Variants in POPDC3 observed in about 807,000 individuals in gnomAD.
POPDC3 encodes the protein popeye domain cAMP effector 3.
Under a neutral mutation model 28.2 loss-of-function variants are expected in POPDC3, and 20 were observed. That is an observed-to-expected ratio of 0.71 (90% confidence interval 0.50 to 1.03). POPDC3 has a LOEUF of 1.03. POPDC3 is among the 50% of genes least tolerant of loss of function. POPDC3 has a pLI of 0.00. For synonymous variants in POPDC3, 118 were observed against 124.1 expected (o/e 0.95, Z 0.33); for missense variants, 316 against 345.9 (o/e 0.91, Z 0.69).
Position 105,158,059 on chromosome 6 carries a change from C to T in POPDC3, c.*411G>A, listed in dbSNP as rs893769211. ...GAGGTTGTAGCAAAAAAGTGAATTCCGGAAATGCCTATGTGGACAGTAGCA... is the reference window on the plus strand; with the variant it reads ...GAGGTTGTAGCAAAAAAGTGAATTCTGGAAATGCCTATGTGGACAGTAGCA... On this transcript the variant is annotated 3_prime_UTR_variant, in exon 4 of 4. Transcript: ENST00000254765. 6.6e-6 allele frequency among the ~76,000 whole-genome samples: 1 copy of T among 152,030 alleles called. No individual in the cohort carries two copies. The highest frequency in any genetic ancestry group is 1.5e-5 in the Non-Finnish European group (1 of 68,020).
At chr6:105,179,586 T>C (rs1256142185) in intron 1 of POPDC3, among the ~76,000 whole-genome samples, 2 of 152,054 alleles carry the variant, frequency 1.3e-5, no homozygotes, top group Admixed American at 6.5e-5. Flanking sequence ...AAGGATCCCC[T>C]AGACCTCCGA....
chr6:105,178,531 T>A (rs917908354), intron 1 of POPDC3, among the ~76,000 whole-genome samples: 5 of 151,216 alleles, frequency 3.3e-5, no homozygotes, highest in Admixed American at 1.3e-4. Context: ...TATCTTAGAT[T>A]TCAATTAATA....
intron 1 of POPDC3, among the ~76,000 whole-genome samples, chr6:105,177,614 T>C (rs1774705831): frequency 6.6e-6 from 1 of 152,218 alleles, no homozygotes; most frequent in Non-Finnish European, 1.5e-5. Context: ...AACAGATCCA[T>C]TTAGGAGTCA....
intron 1 of POPDC3, chr6:105,166,741 A>C (rs1053790707): frequency 4.4e-6 from 2 of 451,606 alleles, no homozygotes; most frequent in African/African-American, 2.0e-5. Flanking sequence ...ATCTGTCTAC[A>C]TAGCCTCCAT....
At chr6:105,159,559 G>T in intron 3 of POPDC3, 152 bp downstream of exon 3, 1 of 526,028 alleles carries the variant, frequency 1.9e-6, no homozygotes. Context: ...CAAGAGTCCA[G>T]CAGAATTGGG....
At chr6:105,170,425 T>G (rs1015238023) in intron 1 of POPDC3, among the ~76,000 whole-genome samples, 1 of 152,208 alleles carries the variant, frequency 6.6e-6, no homozygotes, top group Non-Finnish European at 1.5e-5. Flanking sequence ...GATCAAGTTT[T>G]CAAGTTACTT....
chr6:105,164,578 A>G (rs1774419628), intron 1 of POPDC3, among the ~76,000 whole-genome samples: 1 of 152,260 alleles, frequency 6.6e-6, no homozygotes, highest in South Asian at 2.1e-4. Flanking sequence ...AAGAACTGAC[A>G]GGGGCAGGTG....
At chr6:105,169,213 G>T (rs941564768) in intron 1 of POPDC3, 1 of 152,152 alleles carries the variant, frequency 6.6e-6, no homozygotes, top group African/African-American at 2.4e-5. Context: ...AATAGAATTA[G>T]AATATAGATC....
At chr6:105,161,308 C>G in intron 2 of POPDC3, 117 bp downstream of exon 2, 1 of 1,109,912 alleles carries the variant, frequency 9.0e-7, no homozygotes, top group South Asian at 1.5e-5. Flanking sequence ...CTTCCTCAAG[C>G]CTCAGGGTGC....
intron 2 of POPDC3, among the ~76,000 whole-genome samples, chr6:105,161,005 A>G (rs918830179): frequency 1.3e-5 from 2 of 152,214 alleles, no homozygotes; most frequent in Admixed American, 6.5e-5. Flanking sequence ...TTTACTGAAG[A>G]AAAAAAGATA....
At position 105,171,671 on chromosome 6, in the gene POPDC3, AAATAAT is replaced by A. The variant is rs752168743; in HGVS notation, c.-252+8156_-252+8161del. On this transcript the variant is annotated intron_variant, in intron 1 of 3. Coordinates refer to ENST00000254765, the MANE Select transcript of POPDC3 (RefSeq NM_022361.5). Reference sequence around the variant, plus strand: ...GAGCGACAGAGAAAGACTCTGTCTCAAATAATAATAATAATAATTATTATTATTAAT... The same window carrying A: ...GAGCGACAGAGAAAGACTCTGTCTCAAATAATAATAATTATTATTATTAAT... Among the ~76,000 whole-genome samples the A allele has an allele frequency of 1.1e-3, 168 of 150,724 alleles. 1 individual carries two copies. The highest frequency in any genetic ancestry group is 3.9e-3 in the African/African-American group (160 of 40,978).
In POPDC3 at chr6:105,159,711, C is replaced by A. The variant is rs1199410191; in HGVS notation, c.594G>T (p.Gln198His). ...SLRPTEEGIF[Q>H]VTLTAETDCR... ...AACTGTGTGTTCTGGTATCCCTTAC[C>A]TGAAAAATGCCTTCCTCTGTGGGTC... The change falls in exon 3 of 4, where the codon CAG becomes CAT. Residue 198 changes from glutamine to histidine, a missense_variant and splice_region_variant. By Grantham distance (24) the Gln-to-His change is conservative. Transcript: ENST00000254765. The A allele has an allele frequency of 6.3e-7, 1 of 1,584,494 alleles. No homozygotes were observed. The highest frequency in any genetic ancestry group is 8.7e-7 in the Non-Finnish European group (1 of 1,153,500).
intron 1 of POPDC3, among the ~76,000 whole-genome samples, chr6:105,176,357 A>G (rs1190269): frequency 0.9 from 137,459 of 152,162 alleles, 62,503 homozygotes; most frequent in Non-Finnish European, 0.96. Flanking sequence ...TTTGGGCATA[A>G]TGTGATGAGC....
In POPDC3 at chr6:105,179,983, G is replaced by C. The variant is rs1373402155; in HGVS notation, c.-402C>G. The C allele has an allele frequency of 1.4e-5, 2 of 147,598 alleles. No homozygotes were observed. Among genetic ancestry groups the C allele is most frequent in the African/African-American group, 4.9e-5 (2 of 40,910 alleles). The allele number at this position is 147,598 out of a possible 1,614,324, so 9.1% of individuals were successfully genotyped here. On this transcript the variant is annotated 5_prime_UTR_variant, in exon 1 of 4. Coordinates refer to ENST00000254765, the MANE Select transcript of POPDC3 (RefSeq NM_022361.5). ...CACCCTGCGGCGCCGGGCGCAGCGT[G>C]ACCGCAGCGGGCTCCGGAGCGGCGC...
At chr6:105,162,760 T>G (rs1416928160) in intron 1 of POPDC3, among the ~76,000 whole-genome samples, 1 of 152,210 alleles carries the variant, frequency 6.6e-6, no homozygotes, top group African/African-American at 2.4e-5. Context: ...TGCAGATTCA[T>G]GGACTGCTTC....
At position 105,158,591 on chromosome 6, in the gene POPDC3, A is replaced by G. The variant is rs1217366457; in HGVS notation, c.755T>C (p.Ile252Thr). The change falls in exon 4 of 4, where the codon ATA becomes ACA. Residue 252 changes from isoleucine (I) to threonine (T), a missense_variant. Physicochemically the swap from Ile to Thr is moderately conservative, Grantham distance 89. Coordinates refer to ENST00000254765, the MANE Select transcript of POPDC3 (RefSeq NM_022361.5). ...AATATCATAGTGATATCTTTTTCCT[A>G]TATATACCCTGTCATTCAAGGCATA... ...KLYALNDRVY[I>T]GKRYHYDIRL... 1 of 1,614,112 alleles carries G rather than the reference A, an allele frequency of 6.2e-7. No homozygotes were observed. The highest frequency in any genetic ancestry group is 2.2e-5 in the East Asian group (1 of 44,872).
At chr6:105,179,426 T>C (rs1368265956) in intron 1 of POPDC3, among the ~76,000 whole-genome samples, 1 of 152,082 alleles carries the variant, frequency 6.6e-6, no homozygotes, top group Non-Finnish European at 1.5e-5. Flanking sequence ...CTTTTCTCCC[T>C]TGCAAAACTG....
intron 1 of POPDC3, chr6:105,179,042 G>T: frequency 1.0e-6 from 1 of 985,400 alleles, no homozygotes. Context: ...TTTACAAACA[G>T]AATTTTTCAC....
chr6:105,171,671 A>AAAG (rs1774580098), intron 1 of POPDC3, among the ~76,000 whole-genome samples: 1 of 150,672 alleles, frequency 6.6e-6, no homozygotes, highest in Non-Finnish European at 1.5e-5. Context: ...ACTCTGTCTC[A>AAAG]AATAATAATA....
Sources: gnomAD v4.1 joint callset for allele counts (sites outside exome capture counted in the v4.1 genomes callset) on GRCh38, gnomAD v4.1.1 for gene constraint, MANE v1.5 for transcripts, NCBI Gene and HGNC (gene_info 2026-07-23, HGNC 2026-07-21) for gene names.